ZNF140: variants seen among roughly 807,000 people sequenced by gnomAD.
The protein encoded by ZNF140 is zinc finger protein 140.
A neutral mutation model predicts 12.9 loss-of-function variants in ZNF140; 13 were observed. The ratio of observed to expected loss-of-function variants is 1.01; its 90% CI spans 0.66 to 1.60. The LOEUF (loss-of-function observed/expected upper bound fraction) is 1.60. Among genes scored for constraint, ZNF140 ranks in the 40% most tolerant of loss-of-function variants. The pLI is 0.00. For missense variants in ZNF140, 531 were observed against 548.8 expected (o/e 0.97, Z 0.32); for synonymous variants, 214 against 186.7 (o/e 1.15, Z -1.19).
rs1954569874 is a variant in ZNF140, at chr12:133,083,489, G to A, written c.160G>A (p.Val54Met). ...SLGLSISKPD[V>M]VSLLEQGKEP... ...AGGTCTTTCCATTTCTAAGCCAGAT[G>A]TGGTTTCCTTATTGGAGCAAGGGAA... The change falls in exon 4 of 5, where the codon GTG becomes ATG. Residue 54 changes from valine to methionine, a missense_variant. Val to Met is a conservative substitution (Grantham distance 21, BLOSUM62 1). Coordinates refer to ENST00000355557, the MANE Select transcript of ZNF140 (RefSeq NM_003440.4). 1.9e-6 allele frequency: 3 copies of A among 1,613,894 alleles called. No homozygotes were observed. The South Asian group carries it at 3.3e-5, about 18-fold the overall frequency.
At chr12:133,081,353 A>G in intron 2 of ZNF140, 24 bp downstream of exon 2, 1 of 253,336 alleles carries the variant, frequency 3.9e-6, no homozygotes, top group South Asian at 8.7e-5. Flanking sequence ...TGATAAATAT[A>G]TATATATATA....
At chr12:133,098,876 GTATTT>G (rs1357081743) in intron 4 of ZNF140, among the ~76,000 whole-genome samples, 5 of 149,992 alleles carry the variant, frequency 3.3e-5, no homozygotes, top group East Asian at 2.0e-4. Flanking sequence ...CTAATTTTTT[GTATTT>G]TATTTTATTT....
rs1255987555 is a variant in ZNF140 at position 133,105,844 on chromosome 12, T to C, written c.567T>C (p.Tyr189=). The C allele has an allele frequency of 1.9e-6, 3 of 1,614,190 alleles. No homozygotes were observed. The highest frequency in any genetic ancestry group is 1.7e-5 in the Admixed American group (1 of 60,028). ...HQRTHTGEKP[Y]ACKECGKTFS... ...GGACTCATACTGGAGAGAAACCATA[T>C]GCATGTAAGGAATGTGGCAAAACCT... The change falls in exon 5 of 5, where the codon TAT becomes TAC. Residue 189 remains tyrosine (Y), a synonymous_variant. Coordinates refer to ENST00000355557, the MANE Select transcript of ZNF140 (RefSeq NM_003440.4).
chr12:133,099,456 C>T (rs1425626879), intron 4 of ZNF140, among the ~76,000 whole-genome samples: 1 of 152,220 alleles, frequency 6.6e-6, no homozygotes, highest in Admixed American at 6.5e-5. Context: ...GGATTACAGG[C>T]ATGAGCCACT....
In ZNF140 at chr12:133,105,807, T is replaced by G; in HGVS notation, c.530T>G (p.Val177Gly). The G allele has an allele frequency of 2.5e-6, 4 of 1,614,190 alleles. No homozygotes were observed. The highest frequency in any genetic ancestry group is 3.4e-6 in the Non-Finnish European group (4 of 1,180,040). The change falls in exon 5 of 5, where the codon GTG becomes GGG. Residue 177 changes from valine to glycine, a missense_variant. Physicochemically the swap from Val to Gly is moderately radical, Grantham distance 109. Transcript: ENST00000355557. The stretch of plus-strand genomic sequence containing the variant: ...ACTTTTGGTCGACGCTTTTCCCTGG[T>G]GTTACACCAGAGGACTCATACTGGA... ...GKTFGRRFSL[V>G]LHQRTHTGEK...
intron 4 of ZNF140, among the ~76,000 whole-genome samples, chr12:133,096,956 G>A (rs1351816699): frequency 2.6e-5 from 4 of 152,216 alleles, no homozygotes; most frequent in Admixed American, 1.3e-4. Context: ...GGGTGTTGAA[G>A]TCCCCAAGTG....
chr12:133,087,957 C>T (rs2137501458), intron 4 of ZNF140, among the ~76,000 whole-genome samples: 1 of 152,030 alleles, frequency 6.6e-6, no homozygotes, highest in South Asian at 2.1e-4. Context: ...ATGGTGAAAC[C>T]CGTCTCTACT....
chr12:133,084,131 C>T (rs1954595326), intron 4 of ZNF140: 5 of 423,126 alleles, frequency 1.2e-5, no homozygotes, highest in Non-Finnish European at 1.8e-5. Context: ...TTTTTGTTCC[C>T]ATTGTTAGTT....
intron 4 of ZNF140, among the ~76,000 whole-genome samples, chr12:133,089,451 C>T (rs1954783985): frequency 6.6e-6 from 1 of 152,090 alleles, no homozygotes; most frequent in Non-Finnish European, 1.5e-5. Flanking sequence ...TAGGTTCAAG[C>T]AATCTGCCCA....
At chr12:133,104,573 G>A (rs1030137000) in intron 4 of ZNF140, among the ~76,000 whole-genome samples, 33 of 152,048 alleles carry the variant, frequency 2.2e-4, no homozygotes, top group Admixed American at 2.0e-3. Context: ...GGCTGGTCTC[G>A]ATCTCCTGAC....
intron 4 of ZNF140, among the ~76,000 whole-genome samples, chr12:133,096,347 A>C (rs1231644549): frequency 5.3e-5 from 8 of 152,088 alleles, no homozygotes; most frequent in Non-Finnish European, 1.0e-4. Context: ...GTGGCTGGGG[A>C]AAGCTACAAA....
Position 133,099,882 on chromosome 12 carries a change from C to T in ZNF140, c.233-5628C>T, listed in dbSNP as rs956616885. 9.9e-5 allele frequency among the ~76,000 whole-genome samples: 15 copies of T among 151,858 alleles called. No homozygotes were observed. The East Asian group carries it at 2.7e-3, about 27-fold the overall frequency. ...TTATTTTTCTAAGAGAGTAATTTCTCCTTCACTTTTGAAGGATAATCTCAC... is the reference window on the plus strand; with the variant it reads ...TTATTTTTCTAAGAGAGTAATTTCTTCTTCACTTTTGAAGGATAATCTCAC... On this transcript the variant is annotated intron_variant, in intron 4 of 4. Transcript: ENST00000355557.
chr12:133,091,286 T>C (rs1170228591), intron 4 of ZNF140, among the ~76,000 whole-genome samples: 2 of 150,866 alleles, frequency 1.3e-5, no homozygotes, highest in African/African-American at 4.9e-5. Context: ...GCGATGACTT[T>C]TACCAAGTAT....
At chr12:133,093,383 T>C (rs1954959821) in intron 4 of ZNF140, 1 of 695,078 alleles carries the variant, frequency 1.4e-6, no homozygotes, top group Non-Finnish European at 2.6e-6. Flanking sequence ...CAGCATATTC[T>C]CTGGAGTTTG....
chr12:133,102,968 CATTGTT>C (rs1955409570), intron 4 of ZNF140, among the ~76,000 whole-genome samples: 1 of 151,990 alleles, frequency 6.6e-6, no homozygotes, highest in Non-Finnish European at 1.5e-5. Flanking sequence ...TTTTTACTCT[CATTGTT>C]GTGAGAAATA....
At chr12:133,091,773 T>C (rs1472563065) in intron 4 of ZNF140, among the ~76,000 whole-genome samples, 1 of 151,248 alleles carries the variant, frequency 6.6e-6, no homozygotes, top group Admixed American at 6.6e-5. Flanking sequence ...TCTCAGTTTC[T>C]GGCACCAGAT....
Position 133,091,504 on chromosome 12 carries a change from A to G in ZNF140, c.232+7943A>G, listed in dbSNP as rs1031901361. On this transcript the variant is annotated intron_variant, in intron 4 of 4. Coordinates refer to ENST00000355557, the MANE Select transcript of ZNF140 (RefSeq NM_003440.4). Reference sequence around the variant, plus strand: ...AGTCTCTTATGTCTTCCCTTTCTACATAGGCACAGTGACAGTCTGATCTCT... The same window carrying G: ...AGTCTCTTATGTCTTCCCTTTCTACGTAGGCACAGTGACAGTCTGATCTCT... 2.0e-5 allele frequency among the ~76,000 whole-genome samples: 3 copies of G among 150,898 alleles called. No individual in the cohort carries two copies. In the East Asian group the frequency reaches 5.8e-4, roughly 29 times the overall value.
At chr12:133,100,646 G>A (rs1425587885) in intron 4 of ZNF140, among the ~76,000 whole-genome samples, 1 of 152,152 alleles carries the variant, frequency 6.6e-6, no homozygotes, top group African/African-American at 2.4e-5. Context: ...CTTATTGAGT[G>A]GAGAAGAAAT....
Position 133,105,933 on chromosome 12 carries a change from G to T in ZNF140, c.656G>T (p.Cys219Phe). 1 of 1,614,148 alleles carries T rather than the reference G, an allele frequency of 6.2e-7. No individual in the cohort carries two copies. Among genetic ancestry groups the T allele is most frequent in the Non-Finnish European group, 8.5e-7 (1 of 1,180,022 alleles). Residue 219 changes from cysteine to phenylalanine, a missense_variant, in exon 5 of 5, where the codon TGT becomes TTT. Cys to Phe is a radical substitution (Grantham distance 205). Transcript: ENST00000355557. ...CATACTGGAAAGAAACCCCATGAGT[G>T]TAAGGACTGTAATAAAACATTCAGT... ...MIHTGKKPHE[C>F]KDCNKTFSYL...
Sources: allele counts gnomAD v4.1 joint callset (sites outside exome capture counted in the v4.1 genomes callset), GRCh38; gene constraint gnomAD v4.1.1; transcripts MANE v1.5; gene names NCBI Gene and HGNC (gene_info 2026-07-23, HGNC 2026-07-21).